The following MUSK variants were observed in gnomAD, a reference collection of about 807,000 sequenced individuals.
MUSK encodes the protein muscle associated receptor tyrosine kinase.
In MUSK, 55 loss-of-function variants were observed where a neutral mutation model predicts 88.7. The ratio of observed to expected loss-of-function variants is 0.62; its 90% CI spans 0.50 to 0.78. MUSK has a LOEUF of 0.78. Among genes scored for constraint, MUSK ranks in the 30% least tolerant of loss-of-function variants. The probability of loss-of-function intolerance (pLI) is 0.00; values close to 1 mark genes in which losing one functional copy is unlikely to be tolerated. For synonymous variants in MUSK, 387 were observed against 391.9 expected, an observed-to-expected ratio of 0.99 and a Z score of 0.15; for missense variants, 1,015 against 1,074.3, an observed-to-expected ratio of 0.94 and a Z score of 0.77.
chr9:110,689,231 AT>A (rs1427024435), intron 3 of MUSK, among the ~76,000 whole-genome samples: 4 of 51,620 alleles, frequency 7.7e-5, no homozygotes, highest in Non-Finnish European at 1.3e-4. Context: ...TAATATATAA[AT>A]ATATAAATAT....
At position 110,767,744 on chromosome 9, in the gene MUSK, C is replaced by CAA. The variant is rs113978287; in HGVS notation, c.921-66_921-65dup. 2.4e-4 allele frequency: 287 copies of CAA among 1,174,150 alleles called. No individual in the cohort carries two copies. In the African/African-American group the frequency reaches 3.0e-3, roughly 12 times the overall value. 72.7% of individuals were successfully genotyped at this position (1,174,150 alleles called of 1,614,324 possible). On this transcript the variant is annotated intron_variant, in intron 8 of 14. Coordinates refer to ENST00000374448, the MANE Select transcript of MUSK (RefSeq NM_005592.4). ...ATTTCTGAGACACAGATGTGAAAAC[C>CAA]AAAAAAAAAAAGAAAAGCAGAATGA...
chr9:110,787,377 A>AG (rs2077890476), intron 13 of MUSK, among the ~76,000 whole-genome samples: 1 of 150,710 alleles, frequency 6.6e-6, no homozygotes, highest in Non-Finnish European at 1.5e-5. Flanking sequence ...AAAAAAAAAA[A>AG]AAAAAGGTTA....
At chr9:110,730,108 C>T (rs2076944026) in intron 5 of MUSK, among the ~76,000 whole-genome samples, 1 of 152,032 alleles carries the variant, frequency 6.6e-6, no homozygotes, top group South Asian at 2.1e-4. Flanking sequence ...ATATAGGATT[C>T]TCCACTTGCA....
At chr9:110,689,970 A>G (rs1200037933) in intron 3 of MUSK, among the ~76,000 whole-genome samples, 4 of 75,538 alleles carry the variant, frequency 5.3e-5, no homozygotes, top group African/African-American at 2.2e-4. Flanking sequence ...ATATTTATAT[A>G]TTATATTATA....
At chr9:110,703,147 A>T (rs2076553629) in intron 5 of MUSK, among the ~76,000 whole-genome samples, 2 of 152,226 alleles carry the variant, frequency 1.3e-5, no homozygotes, top group South Asian at 4.1e-4. Context: ...AACATAATAT[A>T]CAAAGAAAAT....
At chr9:110,760,385 AAAT>A (rs2077381425) in intron 7 of MUSK, among the ~76,000 whole-genome samples, 1 of 152,192 alleles carries the variant, frequency 6.6e-6, no homozygotes, top group Non-Finnish European at 1.5e-5. Flanking sequence ...TGGTCATAAA[AAAT>A]AATAAGATCA....
At chr9:110,673,408 T>C (rs1587873788) in intron 1 of MUSK, among the ~76,000 whole-genome samples, 2 of 152,164 alleles carry the variant, frequency 1.3e-5, no homozygotes, top group East Asian at 3.8e-4. Flanking sequence ...GTATCTACCT[T>C]TTTTGTGTTA....
Position 110,801,221 on chromosome 9 carries a change from G to T in MUSK, c.*233G>T. 4.8e-6 allele frequency: 2 copies of T among 412,914 alleles called. No individual in the cohort carries two copies. Among genetic ancestry groups the T allele is most frequent in the Non-Finnish European group, 8.6e-6 (2 of 233,762 alleles). The allele number at this position is 412,914 out of a possible 1,614,324, so 25.6% of individuals were successfully genotyped here. On this transcript the variant is annotated 3_prime_UTR_variant, in exon 15 of 15. Transcript: ENST00000374448. ...GCTAGGAAATGTGTCAGATAATGGA[G>T]ACAACTATTCTTCTTCATGAAGGTT...
chr9:110,767,782 A>G, intron 8 of MUSK, 38 bp from the exon 9 acceptor site: 1 of 1,612,520 alleles, frequency 6.2e-7, no homozygotes, highest in Non-Finnish European at 8.5e-7. Context: ...GCCAAGAAAT[A>G]GCATGTGATT....
At chr9:110,685,990 C>A (rs370070296) in intron 2 of MUSK, among the ~76,000 whole-genome samples, 427 of 152,190 alleles carry the variant, frequency 2.8e-3, no homozygotes, top group African/African-American at 9.8e-3. Context: ...CTTGCTGTAA[C>A]AAATTACCAC....
chr9:110,740,424 G>A (rs1379921755), intron 6 of MUSK, among the ~76,000 whole-genome samples: 4 of 152,126 alleles, frequency 2.6e-5, no homozygotes, highest in African/African-American at 9.7e-5. Context: ...CACTTCTGGT[G>A]TCTGTGCCTA....
intron 7 of MUSK, among the ~76,000 whole-genome samples, chr9:110,750,235 C>T (rs755803326): frequency 2.0e-5 from 3 of 152,136 alleles, no homozygotes; most frequent in African/African-American, 4.8e-5. Context: ...TATTCAGTCA[C>T]TCAAAGATAC....
chr9:110,767,554 A>G (rs979426639), intron 8 of MUSK, among the ~76,000 whole-genome samples: 35 of 152,158 alleles, frequency 2.3e-4, no homozygotes, highest in Non-Finnish European at 5.0e-4. Context: ...AAAATACCCA[A>G]ATCTATTCAG....
At position 110,755,933 on chromosome 9, in the gene MUSK, CAT is replaced by C. The variant is rs1344701963; in HGVS notation, c.914-6253_914-6252del. On this transcript the variant is annotated intron_variant, in intron 7 of 14. Transcript: ENST00000374448. ...CAGTGCCCAGTGCCATATATATATA[CAT>C]ATATATATATATATACACATATATA... 3.6e-3 allele frequency among the ~76,000 whole-genome samples: 297 copies of C among 81,382 alleles called. 12 individuals are homozygous for C. The highest frequency in any genetic ancestry group is 0.014 in the Middle Eastern group (2 of 144). 53.4% of individuals were successfully genotyped at this position (81,382 alleles called of 152,430 possible).
chr9:110,782,580 T>A (rs1490362949), intron 11 of MUSK, among the ~76,000 whole-genome samples: 2 of 152,184 alleles, frequency 1.3e-5, no homozygotes, highest in African/African-American at 4.8e-5. Flanking sequence ...CCCTCACATG[T>A]TATATATGGT....
intron 7 of MUSK, among the ~76,000 whole-genome samples, chr9:110,760,478 C>T (rs1344482196): frequency 2.0e-5 from 3 of 152,012 alleles, no homozygotes. Context: ...CTAAATACTG[C>T]ATGTTCCCAC....
intron 9 of MUSK, among the ~76,000 whole-genome samples, chr9:110,768,314 A>G (rs2077516413): frequency 6.6e-6 from 1 of 152,338 alleles, no homozygotes; most frequent in Non-Finnish European, 1.5e-5. Flanking sequence ...CCTGTCCAAC[A>G]TGGTGAAACC....
chr9:110,678,193 C>T (rs1412617979), intron 1 of MUSK, among the ~76,000 whole-genome samples: 2 of 152,108 alleles, frequency 1.3e-5, no homozygotes, highest in African/African-American at 4.8e-5. Context: ...CTCACTGCAG[C>T]CTTGACCTCC....
At chr9:110,690,339 T>TATATATATATTTAAATATAAGTATATAC (rs1564219863) in intron 3 of MUSK, among the ~76,000 whole-genome samples, 1 of 42,728 alleles carries the variant, frequency 2.3e-5, no homozygotes, top group African/African-American at 2.1e-4. Flanking sequence ...TAAATATAAG[T>TATATATATATTTAAATATAAGTATATAC]ATATATATAT....
Sources: gnomAD v4.1 joint callset for allele counts (sites outside exome capture counted in the v4.1 genomes callset) on GRCh38, gnomAD v4.1.1 for gene constraint, MANE v1.5 for transcripts, NCBI Gene and HGNC (gene_info 2026-07-23, HGNC 2026-07-21) for gene names.